DCP2: variants seen among roughly 807,000 people sequenced by gnomAD.
DCP2 encodes the protein decapping mRNA 2, also known as m7GpppN-mRNA hydrolase.
Under a neutral mutation model 56.1 loss-of-function variants are expected in DCP2, and 30 were observed. The observed-to-expected ratio is 0.53, with a 90% CI of 0.40 to 0.73. The LOEUF (loss-of-function observed/expected upper bound fraction) is 0.73, where lower values mean the gene tolerates loss of function less well. Among genes scored for constraint, DCP2 ranks in the 30% least tolerant of loss-of-function variants. The pLI, the probability that DCP2 is intolerant of heterozygous loss-of-function variation, is 0.00. For synonymous variants in DCP2, 197 were observed against 163.3 expected, an observed-to-expected ratio of 1.21 and a Z score of -1.57; for missense variants, 533 against 502.7, an observed-to-expected ratio of 1.06 and a Z score of -0.58.
intron 4 of DCP2, among the ~76,000 whole-genome samples, chr5:112,997,688 C>T (rs1047171308): frequency 2.0e-5 from 3 of 151,490 alleles, no homozygotes; most frequent in African/African-American, 7.3e-5. Context: ...CAGTTCACTG[C>T]ACCCCAACCT....
rs531897399 is a variant in DCP2 at position 113,015,661 on chromosome 5, G to T, written c.*2177G>T. On this transcript the variant is annotated 3_prime_UTR_variant, in exon 11 of 11. Coordinates refer to ENST00000389063, the MANE Select transcript of DCP2 (RefSeq NM_152624.6). ...CTTTTAGCTCTCCTCAAAGTTTGAG[G>T]TTAAAAAAATGTTAAAAGATGTGAG... 100 of 152,656 alleles carry T rather than the reference G, an allele frequency of 6.6e-4. 1 individual carries two copies. The highest frequency in any genetic ancestry group is 2.3e-3 in the African/African-American group (97 of 41,532). The allele number at this position is 152,656 out of a possible 1,614,324, so 9.5% of individuals were successfully genotyped here.
At chr5:112,978,379 C>T (rs1747828499) in intron 1 of DCP2, among the ~76,000 whole-genome samples, 1 of 152,192 alleles carries the variant, frequency 6.6e-6, no homozygotes, top group African/African-American at 2.4e-5. Context: ...CCATTTTCAT[C>T]TGCGCAAACA....
At chr5:112,989,748 G>A (rs186492859) in intron 2 of DCP2, among the ~76,000 whole-genome samples, 1 of 152,296 alleles carries the variant, frequency 6.6e-6, no homozygotes, top group East Asian at 1.9e-4. Flanking sequence ...TCTCCGTATA[G>A]GGGTATTTTT....
In DCP2 at chr5:113,019,657, C is replaced by G. The variant is rs1750026246; in HGVS notation, c.*6173C>G. The G allele has an allele frequency of 6.6e-6, 1 of 152,116 alleles. No individual in the cohort carries two copies. The highest frequency in any genetic ancestry group is 1.5e-5 in the Non-Finnish European group (1 of 68,002). 9.4% of individuals were successfully genotyped at this position (152,116 alleles called of 1,614,324 possible). ...ACAAAAACAGGGAAGGACAATAAAA[C>G]CATGAACTATTTTGCTTTATGTCTG... On this transcript the variant is annotated 3_prime_UTR_variant, in exon 11 of 11. Coordinates refer to ENST00000389063, the MANE Select transcript of DCP2 (RefSeq NM_152624.6).
At chr5:112,980,350 G>A (rs143912761) in intron 1 of DCP2, among the ~76,000 whole-genome samples, 23 of 152,330 alleles carry the variant, frequency 1.5e-4, no homozygotes, top group Non-Finnish European at 3.4e-4. Flanking sequence ...TTTGGTGATA[G>A]CGTAGGTTAA....
chr5:113,012,151 AG>A (rs1380710182), intron 10 of DCP2, among the ~76,000 whole-genome samples: 1 of 152,198 alleles, frequency 6.6e-6, no homozygotes, highest in Non-Finnish European at 1.5e-5. Context: ...ACATTAAAAA[AG>A]GTACACCATG....
chr5:112,986,003 TATA>T lies in DCP2; in HGVS notation c.205+20_205+22del, dbSNP rs1561686434. The T allele has an allele frequency of 6.6e-7, 1 of 1,505,224 alleles. No homozygotes were observed. Among genetic ancestry groups the T allele is most frequent in the Non-Finnish European group, 9.0e-7 (1 of 1,106,600 alleles). 93.2% of individuals were successfully genotyped at this position (1,505,224 alleles called of 1,614,324 possible). ...CTAAAGCTGATATCCTTTTTATTAC[TATA>T]ATGACTGACTTTCTTGTTAGCAATA... On this transcript the variant is annotated intron_variant, in intron 2 of 10. Coordinates refer to ENST00000389063, the MANE Select transcript of DCP2 (RefSeq NM_152624.6).
In DCP2 at chr5:112,986,246, T is replaced by C. The variant is rs144228415; in HGVS notation, c.205+260T>C. 3.5e-3 allele frequency among the ~76,000 whole-genome samples: 539 copies of C among 152,260 alleles called. 2 individuals are homozygous for C. The highest frequency in any genetic ancestry group is 0.013 in the African/African-American group (527 of 41,556). On this transcript the variant is annotated intron_variant, in intron 2 of 10. Coordinates refer to ENST00000389063, the MANE Select transcript of DCP2 (RefSeq NM_152624.6). The stretch of plus-strand genomic sequence containing the variant: ...ATTTTATTTTTTTCCCATGCATAGC[T>C]AGCCTGTTTGTACAACTTTACTCTT...
At position 113,019,166 on chromosome 5, in the gene DCP2, T is replaced by G. The variant is rs1429808271; in HGVS notation, c.*5682T>G. 4 of 152,224 alleles carry G rather than the reference T, an allele frequency of 2.6e-5. No homozygotes were observed. The East Asian group carries it at 7.7e-4, about 29-fold the overall frequency. 9.4% of individuals were successfully genotyped at this position (152,224 alleles called of 1,614,324 possible). A position where few individuals can be genotyped will look rare whatever the true frequency, so the allele number is the denominator to read the frequency against. ...TGTAGCTTCATTTTGAGCACAAGTC[T>G]GCATTGTCATTTTTTAAGAGATTGG... On this transcript the variant is annotated 3_prime_UTR_variant, in exon 11 of 11. Coordinates refer to ENST00000389063, the MANE Select transcript of DCP2 (RefSeq NM_152624.6).
At chr5:112,981,762 C>G (rs1341488329) in intron 1 of DCP2, among the ~76,000 whole-genome samples, 1 of 152,028 alleles carries the variant, frequency 6.6e-6, no homozygotes, top group African/African-American at 2.4e-5. Context: ...TGCTTGATTC[C>G]TTCTAGCCTT....
At chr5:113,000,730 G>C (rs1349595476) in intron 4 of DCP2, among the ~76,000 whole-genome samples, 1 of 152,104 alleles carries the variant, frequency 6.6e-6, no homozygotes, top group Non-Finnish European at 1.5e-5. Context: ...CTTACCTTCT[G>C]TATATAAATG....
At chr5:112,986,429 C>T (rs1052586792) in intron 2 of DCP2, among the ~76,000 whole-genome samples, 33 of 151,894 alleles carry the variant, frequency 2.2e-4, no homozygotes, top group African/African-American at 7.7e-4. Context: ...TCTCGAGCTC[C>T]TGCTTAAGCA....
chr5:112,991,194 G>A (rs1364255844), intron 2 of DCP2, among the ~76,000 whole-genome samples: 1 of 152,120 alleles, frequency 6.6e-6, no homozygotes, highest in Non-Finnish European at 1.5e-5. Flanking sequence ...CAGATTGCAT[G>A]TTAGAGTAAT....
At chr5:112,988,645 T>G (rs1225148344) in intron 2 of DCP2, among the ~76,000 whole-genome samples, 1 of 152,032 alleles carries the variant, frequency 6.6e-6, no homozygotes, top group East Asian at 1.9e-4. Flanking sequence ...GAAGAAATGA[T>G]CAAACCGTTT....
At chr5:112,985,657 C>G (rs756155834) in intron 1 of DCP2, among the ~76,000 whole-genome samples, 178 bp from the exon 2 acceptor site, 1 of 152,130 alleles carries the variant, frequency 6.6e-6, no homozygotes, top group Non-Finnish European at 1.5e-5. Flanking sequence ...TGTGGTGTCT[C>G]CTCTCTAAGA....
chr5:113,004,443 C>T (rs532297865), intron 8 of DCP2, among the ~76,000 whole-genome samples: 16 of 152,322 alleles, frequency 1.1e-4, no homozygotes, highest in South Asian at 1.0e-3. Context: ...TTGTTGTATT[C>T]GAGTGTATAA....
chr5:112,993,214 T>G (rs1748677584), intron 4 of DCP2, among the ~76,000 whole-genome samples: 1 of 152,222 alleles, frequency 6.6e-6, no homozygotes, highest in Non-Finnish European at 1.5e-5. Flanking sequence ...TTTAATTCTT[T>G]AAGTATTTAA....
rs141716280 is a variant in DCP2, at chr5:112,993,864, G to A, written c.432+1094G>A. 3.8e-3 allele frequency among the ~76,000 whole-genome samples: 573 copies of A among 152,096 alleles called. 3 individuals are homozygous for A. The highest frequency in any genetic ancestry group is 0.013 in the African/African-American group (525 of 41,492). On this transcript the variant is annotated intron_variant, in intron 4 of 10. Transcript: ENST00000389063. ...TGTGTGTGTATGTGTATCTATGTGTGTGTGTTTATAAATATGAACACATAC... is the reference window on the plus strand; with the variant it reads ...TGTGTGTGTATGTGTATCTATGTGTATGTGTTTATAAATATGAACACATAC...
In DCP2 at chr5:112,992,251, G is replaced by T; in HGVS notation, c.333+3G>T. ...TTCTTGATGAGACACTTGAAAATGT[G>T]AGTGTAATGAAATAAAGATTTTTAG... On this transcript the variant is annotated splice_donor_region_variant and intron_variant, in intron 3 of 10. Transcript: ENST00000389063. 8 of 1,606,574 alleles carry T rather than the reference G, an allele frequency of 5.0e-6. No homozygotes were observed. Among genetic ancestry groups the T allele is most frequent in the Non-Finnish European group, 6.8e-6 (8 of 1,177,668 alleles).
Sources: allele counts gnomAD v4.1 joint callset (sites outside exome capture counted in the v4.1 genomes callset), GRCh38; gene constraint gnomAD v4.1.1; transcripts MANE v1.5; gene names NCBI Gene and HGNC (gene_info 2026-07-23, HGNC 2026-07-21).